ABL1: variants seen among roughly 807,000 people sequenced by gnomAD.
ABL1 encodes ABL proto-oncogene 1, non-receptor tyrosine kinase.
A neutral mutation model predicts 94.7 loss-of-function variants in ABL1; 11 were observed. That is an observed-to-expected ratio of 0.12 (90% CI 0.07 to 0.19). The LOEUF (loss-of-function observed/expected upper bound fraction) is 0.19, where lower values mean the gene tolerates loss of function less well. Among genes scored for constraint, ABL1 ranks in the 10% least tolerant of loss-of-function variants. The pLI, the probability that ABL1 is intolerant of heterozygous loss-of-function variation, is 1.00. For synonymous variants in ABL1, 656 were observed against 622.4 expected (o/e 1.05, Z -0.80); for missense variants, 1,082 against 1,489.4 (o/e 0.73, Z 4.50).
chr9:130,791,140 C>T (rs60730406), intron 1 of ABL1, among the ~76,000 whole-genome samples: 8,379 of 152,082 alleles, frequency 0.055, 736 homozygotes, highest in African/African-American at 0.19. Flanking sequence ...AAACCAGAAA[C>T]GATTCTTAAA....
chr9:130,873,263 G>T (rs1831283984), intron 6 of ABL1, among the ~76,000 whole-genome samples: 1 of 152,226 alleles, frequency 6.6e-6, no homozygotes, highest in African/African-American at 2.4e-5. Context: ...TGGACCAGTG[G>T]AGCAGCTAAT....
At chr9:130,787,197 G>A (rs182772075) in intron 1 of ABL1, among the ~76,000 whole-genome samples, 5 of 152,248 alleles carry the variant, frequency 3.3e-5, no homozygotes, top group African/African-American at 1.2e-4. Context: ...TCTTTACTTG[G>A]AGCCAGGCTC....
rs55915035 is a variant in ABL1, at chr9:130,728,230, A to ATTTTT, written c.136+13789_136+13793dup. 7.1e-4 allele frequency among the ~76,000 whole-genome samples: 73 copies of ATTTTT among 102,572 alleles called. 4 individuals carry two copies. Among genetic ancestry groups the ATTTTT allele is most frequent in the African/African-American group, 3.7e-3 (70 of 19,036 alleles). 67.3% of individuals were successfully genotyped at this position (102,572 alleles called of 152,430 possible). A position where few individuals can be genotyped will look rare whatever the true frequency, so the allele number is the denominator to read the frequency against. Reference sequence around the variant, plus strand: ...GGGCATGCGCCACCATGTCCAGCTGATTTTTTTTTTTTTTTTTTGTGGAGA... The same window carrying ATTTTT: ...GGGCATGCGCCACCATGTCCAGCTGATTTTTTTTTTTTTTTTTTTTTTTGTGGAGA... On this transcript the variant is annotated intron_variant, in intron 1 of 10. Coordinates refer to the ABL1 transcript ENST00000372348.
chr9:130,716,472 T>G (rs975333745), intron 1 of ABL1, among the ~76,000 whole-genome samples: 11 of 152,154 alleles, frequency 7.2e-5, no homozygotes, highest in African/African-American at 2.7e-4. Flanking sequence ...TGTGTATGTC[T>G]TCTTAATATT....
At position 130,835,753 on chromosome 9, in the gene ABL1, TTCTCTCTCTCTG is replaced by T. The variant is rs770340255; in HGVS notation, c.79+234_79+245del. ...TTTCTCTTCTCTTGTCTCTCTCTTT[TTCTCTCTCTCTG>T]TCTCTTTCTCTTTCTCGCGATGGCC... On this transcript the variant is annotated intron_variant, in intron 1 of 10. Coordinates refer to ENST00000318560, the MANE Select transcript of ABL1 (RefSeq NM_005157.6). The surrounding 1 kb of genome is among the most constrained non-coding windows in gnomAD (Gnocchi z 4.6). Among the ~76,000 whole-genome samples the T allele has an allele frequency of 6.6e-6, 1 of 151,888 alleles. No homozygotes were observed. The highest frequency in any genetic ancestry group is 1.5e-5 in the Non-Finnish European group (1 of 67,924).
chr9:130,843,506 A>G (rs1564308135), intron 1 of ABL1, among the ~76,000 whole-genome samples: 1 of 152,160 alleles, frequency 6.6e-6, no homozygotes, highest in African/African-American at 2.4e-5. Context: ...TGAGGTTTGA[A>G]CAAGGCCTGT....
At chr9:130,744,591 G>C (rs143296712) in intron 1 of ABL1, among the ~76,000 whole-genome samples, 1 of 150,832 alleles carries the variant, frequency 6.6e-6, no homozygotes. Flanking sequence ...AGTGGCTCAC[G>C]CCTGTAATCC....
At chr9:130,730,998 C>CT (rs11300328) in intron 1 of ABL1, among the ~76,000 whole-genome samples, 11,305 of 64,470 alleles carry the variant, frequency 0.18, 4,522 homozygotes, top group Non-Finnish European at 0.25. Flanking sequence ...CTCTATCTCT[C>CT]TTTTTTTTTT....
At chr9:130,713,394 T>C (rs945181474) in exon 1 of ABL1, among the ~76,000 whole-genome samples, 26 of 152,078 alleles carry the variant, frequency 1.7e-4, no homozygotes, top group African/African-American at 6.3e-4. Context: ...GTGGTCTGTT[T>C]CCCCCAGCTT....
In ABL1 at chr9:130,851,186, A is replaced by AT. The variant is rs769474607; in HGVS notation, c.80-2877dup. ...GGGATCACATATTTTAATAAAATTG[A>AT]TAATCCCTAATAGTGATGGCGCTAG... On this transcript the variant is annotated intron_variant, in intron 1 of 10. Transcript: ENST00000318560. Among the ~76,000 whole-genome samples the AT allele has an allele frequency of 4.6e-5, 7 of 152,308 alleles. No individual in the cohort carries two copies. The East Asian group carries it at 7.7e-4, about 17-fold the overall frequency.
chr9:130,809,421 T>A (rs547959931), intron 1 of ABL1, among the ~76,000 whole-genome samples: 1,420 of 126,418 alleles, frequency 0.011, 20 homozygotes, highest in East Asian at 0.047. Flanking sequence ...AGAGAGAGTG[T>A]GTGTGTGTGT....
chr9:130,809,381 TGAGAGAGAGAGAGAGAGAGA>T (rs370101656), intron 1 of ABL1, among the ~76,000 whole-genome samples: 4 of 132,578 alleles, frequency 3.0e-5, no homozygotes, highest in African/African-American at 1.2e-4. Flanking sequence ...TGAAGGTTCT[TGAGAGAGAGAGAGAGAGAGA>T]GAGAGAGAGA....
intron 1 of ABL1, among the ~76,000 whole-genome samples, chr9:130,803,803 T>C (rs1334634103): frequency 6.6e-6 from 1 of 152,182 alleles, no homozygotes; most frequent in Admixed American, 6.5e-5. Flanking sequence ...TCTCCAAAGA[T>C]TATTAACTCA....
intron 1 of ABL1, among the ~76,000 whole-genome samples, chr9:130,742,140 G>C (rs1348220931): frequency 6.6e-6 from 1 of 151,914 alleles, no homozygotes; most frequent in East Asian, 1.9e-4. Flanking sequence ...GGTTGCCCCT[G>C]GTTTTGGCTG....
intron 1 of ABL1, among the ~76,000 whole-genome samples, chr9:130,847,421 T>A (rs1023946464): frequency 6.6e-6 from 1 of 152,304 alleles, no homozygotes; most frequent in East Asian, 1.9e-4. Flanking sequence ...GAATCTTGCT[T>A]CCTGACAGAG....
At chr9:130,844,095 A>G (rs905683035) in intron 1 of ABL1, among the ~76,000 whole-genome samples, 1 of 152,052 alleles carries the variant, frequency 6.6e-6, no homozygotes, top group East Asian at 1.9e-4. Flanking sequence ...CCATTGGGAG[A>G]CAGGGCCACC....
At chr9:130,774,621 C>T (rs530035645) in intron 1 of ABL1, among the ~76,000 whole-genome samples, 6 of 151,966 alleles carry the variant, frequency 3.9e-5, no homozygotes, top group African/African-American at 1.2e-4. Flanking sequence ...CTCAGGAGTT[C>T]GTGACCAGAC....
intron 4 of ABL1, among the ~76,000 whole-genome samples, chr9:130,864,244 ACTTTTT>A (rs1257244008): frequency 1.3e-5 from 2 of 151,824 alleles, no homozygotes; most frequent in Non-Finnish European, 1.5e-5. Flanking sequence ...CTCAGATAGG[ACTTTTT>A]CTTTTCTTTT....
intron 1 of ABL1, among the ~76,000 whole-genome samples, chr9:130,802,474 G>A (rs1313377332): frequency 3.3e-5 from 5 of 151,872 alleles, no homozygotes; most frequent in African/African-American, 1.2e-4. Context: ...CCTTTTCTTT[G>A]TCCATTCAGC....
Sources: gnomAD v4.1 joint callset for allele counts (sites outside exome capture counted in the v4.1 genomes callset) on GRCh38, gnomAD v4.1.1 for gene constraint, Gnocchi (gnomAD v3.1) non-coding constraint, MANE v1.5 for transcripts, NCBI Gene and HGNC (gene_info 2026-07-23, HGNC 2026-07-21) for gene names.